PTPRD: variants seen among roughly 807,000 people sequenced by gnomAD.
PTPRD encodes receptor-type tyrosine-protein phosphatase delta.
In PTPRD, 34 loss-of-function variants were observed where a neutral mutation model predicts 214.5. That is an observed-to-expected ratio of 0.16 (90% CI 0.12 to 0.21). The LOEUF (loss-of-function observed/expected upper bound fraction) is 0.21. Ranked by LOEUF, PTPRD falls within the 10% of genes least tolerant of loss-of-function variation. The probability of loss-of-function intolerance (pLI) is 1.00; values close to 1 mark genes in which losing one functional copy is unlikely to be tolerated. For missense variants in PTPRD, 2,545 were observed against 2,398.7 expected (o/e 1.06, Z -1.27); for synonymous variants, 1,128 against 845.7 (o/e 1.33, Z -5.79).
At position 9,519,231 on chromosome 9, in the gene PTPRD, G is replaced by A. The variant is rs186526720; in HGVS notation, c.-237+55501C>T. On this transcript the variant is annotated intron_variant, in intron 8 of 45. Coordinates refer to ENST00000381196, the MANE Select transcript of PTPRD (RefSeq NM_002839.4). ...TCATTGGCTATTTTGAGACTTTAAT[G>A]CATACCTAGGAAAAAACAAAGGCTG... is the stretch of plus-strand genomic sequence containing the variant. 7.1e-3 allele frequency among the ~76,000 whole-genome samples: 1,072 copies of A among 151,836 alleles called. 14 individuals are homozygous for A. Among genetic ancestry groups the A allele is most frequent in the African/African-American group, 0.025 (1,026 of 41,480 alleles).
intron 3 of PTPRD, among the ~76,000 whole-genome samples, chr9:10,251,387 A>C (rs10958976): frequency 0.06 from 7,980 of 133,152 alleles, 283 homozygotes; most frequent in Non-Finnish European, 0.089. Flanking sequence ...AAGAGACTAA[A>C]CTCTTTCCAT....
chr9:9,171,778 G>A (rs540793813), intron 10 of PTPRD, among the ~76,000 whole-genome samples: 6 of 152,112 alleles, frequency 3.9e-5, no homozygotes, highest in Admixed American at 1.3e-4. Context: ...TTATGTAACA[G>A]CCTCTTGGCA....
chr9:10,431,335 G>A (rs2098676071), intron 2 of PTPRD, among the ~76,000 whole-genome samples: 1 of 151,986 alleles, frequency 6.6e-6, no homozygotes, highest in East Asian at 1.9e-4. Flanking sequence ...AAAAACCCTA[G>A]AAGAAAACCT....
chr9:9,899,260 G>C (rs1160754986), intron 5 of PTPRD, among the ~76,000 whole-genome samples: 1 of 151,992 alleles, frequency 6.6e-6, no homozygotes, highest in Non-Finnish European at 1.5e-5. Context: ...AGAGTGTGAA[G>C]AGAGACTATG....
At chr9:8,887,334 A>C (rs1395621371) in intron 11 of PTPRD, among the ~76,000 whole-genome samples, 1 of 152,196 alleles carries the variant, frequency 6.6e-6, no homozygotes. Context: ...ATTTCATTAA[A>C]AACCATCGTG....
chr9:9,581,947 G>A (rs1255774802), intron 7 of PTPRD, among the ~76,000 whole-genome samples: 1 of 152,064 alleles, frequency 6.6e-6, no homozygotes, highest in Non-Finnish European at 1.5e-5. Flanking sequence ...AACCATAATA[G>A]ATTTGATATT....
chr9:9,874,141 G>A (rs978875329), intron 5 of PTPRD, among the ~76,000 whole-genome samples: 3 of 152,040 alleles, frequency 2.0e-5, no homozygotes, highest in African/African-American at 4.8e-5. Flanking sequence ...CAAAAAGAAG[G>A]GTAAATTACT....
intron 2 of PTPRD, among the ~76,000 whole-genome samples, chr9:10,582,488 AT>A (rs2072271619): frequency 6.6e-6 from 1 of 152,168 alleles, no homozygotes; most frequent in Non-Finnish European, 1.5e-5. Flanking sequence ...CTTTATCCAT[AT>A]TATAAAACTA....
intron 5 of PTPRD, among the ~76,000 whole-genome samples, chr9:9,831,975 C>T (rs1446808672): frequency 6.6e-6 from 1 of 151,974 alleles, no homozygotes; most frequent in Non-Finnish European, 1.5e-5. Context: ...TCAGACATTA[C>T]TGGGTATGCC....
chr9:8,609,421 T>C (rs564905561), intron 14 of PTPRD, among the ~76,000 whole-genome samples: 3 of 152,336 alleles, frequency 2.0e-5, no homozygotes, highest in African/African-American at 7.2e-5. Context: ...TTATTTTAGA[T>C]TGATGAGTTG....
chr9:8,581,736 G>C (rs1405260281), intron 14 of PTPRD, among the ~76,000 whole-genome samples: 1 of 147,630 alleles, frequency 6.8e-6, no homozygotes, highest in Admixed American at 6.9e-5. Flanking sequence ...GACAGAGCGA[G>C]ACTCCATCTC....
chr9:8,759,143 G>C (rs2094233619), intron 11 of PTPRD, among the ~76,000 whole-genome samples: 1 of 151,936 alleles, frequency 6.6e-6, no homozygotes, highest in Non-Finnish European at 1.5e-5. Context: ...CGATCCTCCT[G>C]CCTCTGCCTC....
At chr9:10,222,019 G>GA (rs76073512) in intron 3 of PTPRD, among the ~76,000 whole-genome samples, 6,993 of 151,544 alleles carry the variant, frequency 0.046, 464 homozygotes, top group East Asian at 0.34. Flanking sequence ...AAAACTGTGA[G>GA]AAAAAAAATG....
At chr9:8,619,012 A>G (rs549122406) in intron 14 of PTPRD, among the ~76,000 whole-genome samples, 232 of 145,246 alleles carry the variant, frequency 1.6e-3, no homozygotes, top group African/African-American at 5.7e-3. Flanking sequence ...TGCCAACCTC[A>G]GCCTCCCAAA....
intron 5 of PTPRD, among the ~76,000 whole-genome samples, chr9:9,813,647 A>T (rs1221138485): frequency 1.3e-5 from 2 of 152,222 alleles, no homozygotes; most frequent in East Asian, 1.9e-4. Flanking sequence ...CAAAAAGAAA[A>T]GTCTGGGGCA....
chr9:8,686,063 G>C (rs1445675279), intron 12 of PTPRD, among the ~76,000 whole-genome samples: 6 of 152,174 alleles, frequency 3.9e-5, no homozygotes, highest in Non-Finnish European at 7.3e-5. Context: ...GGAGTCAACA[G>C]TCCTCTGAAA....
At chr9:9,859,757 T>C (rs1233662473) in intron 5 of PTPRD, among the ~76,000 whole-genome samples, 1 of 152,188 alleles carries the variant, frequency 6.6e-6, no homozygotes, top group Non-Finnish European at 1.5e-5. Flanking sequence ...AGTTTCAAGG[T>C]CAGACTCTGG....
chr9:9,389,859 G>C (rs1339480869), intron 9 of PTPRD, among the ~76,000 whole-genome samples: 1 of 152,178 alleles, frequency 6.6e-6, no homozygotes, highest in Non-Finnish European at 1.5e-5. Flanking sequence ...TCTAAACAAA[G>C]TCAATCCTTT....
intron 5 of PTPRD, among the ~76,000 whole-genome samples, chr9:9,837,193 C>T (rs982763506): frequency 5.3e-5 from 8 of 151,964 alleles, no homozygotes; most frequent in Non-Finnish European, 1.0e-4. Context: ...TCCCAGTTTG[C>T]AAGATAATGA....
Sources: allele counts gnomAD v4.1 joint callset (sites outside exome capture counted in the v4.1 genomes callset), GRCh38; gene constraint gnomAD v4.1.1; transcripts MANE v1.5; gene names NCBI Gene and HGNC (gene_info 2026-07-23, HGNC 2026-07-21).